NHERF4: variants seen among roughly 807,000 people sequenced by gnomAD.
The protein encoded by NHERF4 is Na(+)/H(+) exchange regulatory cofactor NHE-RF4.
At chr11:119,187,785 AC>A in the NHERF4 span, 2 of 1,459,944 alleles carry the variant, frequency 1.4e-6, no homozygotes, top group Non-Finnish European at 1.8e-6. Context: ...CATGCGCCTA[AC>A]CTCCTTATCT....
At chr11:119,189,764 G>A in the NHERF4 span, 4 of 539,850 alleles carry the variant, frequency 7.4e-6, no homozygotes, top group Non-Finnish European at 1.3e-5. This position sits in a 1 kb window ranked among gnomAD's most constrained non-coding sequence, Gnocchi z 5.8. Context: ...GGATGAAGGT[G>A]TGGCTGTGGG....
the NHERF4 span, chr11:119,188,176 G>C: frequency 5.9e-6 from 9 of 1,517,448 alleles, no homozygotes; most frequent in Middle Eastern, 1.7e-4. Flanking sequence ...GGTGGGGGAA[G>C]GTGGGCCTTG....
At chr11:119,185,596 C>A in the NHERF4 span, 1 of 1,347,158 alleles carries the variant, frequency 7.4e-7, no homozygotes, top group Non-Finnish European at 1.1e-6. Flanking sequence ...GACCAGGGCA[C>A]ACTTGATTTT....
the NHERF4 span, chr11:119,188,627 T>C: frequency 6.2e-7 from 1 of 1,613,880 alleles, no homozygotes; most frequent in Non-Finnish European, 8.5e-7. Flanking sequence ...TTGCTCTCCC[T>C]GCCACCTTCC....
At chr11:119,185,769 G>T in the NHERF4 span, 1 of 962,390 alleles carries the variant, frequency 1.0e-6, no homozygotes, top group Non-Finnish European at 1.6e-6. Context: ...TGTGTGTATG[G>T]CAGTGAGAAG....
the NHERF4 span, chr11:119,189,319 G>A: frequency 6.8e-7 from 1 of 1,479,370 alleles, no homozygotes; most frequent in South Asian, 1.2e-5. This position sits in a 1 kb window ranked among gnomAD's most constrained non-coding sequence, Gnocchi z 5.8. Flanking sequence ...TATGCAGGTT[G>A]GGACTTCAGG....
the NHERF4 span, chr11:119,187,186 G>A: frequency 1.7e-6 from 2 of 1,146,392 alleles, no homozygotes; most frequent in Non-Finnish European, 2.4e-6. Flanking sequence ...GATTCCCTTG[G>A]CAAAAAAATG....
chr11:119,187,365 T>C, the NHERF4 span: 1 of 1,613,860 alleles, frequency 6.2e-7, no homozygotes, highest in Non-Finnish European at 8.5e-7. Flanking sequence ...TGGGAGAAGA[T>C]GCCCACCTCT....
the NHERF4 span, chr11:119,188,849 T>TC: frequency 6.2e-7 from 1 of 1,614,154 alleles, no homozygotes; most frequent in Non-Finnish European, 8.5e-7. Flanking sequence ...CCAGTGGGCC[T>TC]CGTCTCTTCA....
the NHERF4 span, chr11:119,187,745 G>A: frequency 1.4e-6 from 2 of 1,471,074 alleles, no homozygotes; most frequent in Admixed American, 2.7e-5. Context: ...TCCGGGCCTG[G>A]GCCCCACCTC....
the NHERF4 span, chr11:119,187,561 T>C: frequency 1.3e-6 from 2 of 1,596,534 alleles, no homozygotes; most frequent in East Asian, 2.3e-5. Flanking sequence ...TTTTAATTTC[T>C]AGGCAATCAG....
At chr11:119,185,517 G>A in the NHERF4 span, 1 of 1,613,790 alleles carries the variant, frequency 6.2e-7, no homozygotes, top group East Asian at 2.2e-5. Context: ...GCAGGTAGGA[G>A]GCCAGGAGAA....
chr11:119,186,002 G>A, the NHERF4 span: 8 of 1,613,908 alleles, frequency 5.0e-6, no homozygotes, highest in Middle Eastern at 1.6e-4. The surrounding 1 kb of genome is among the most constrained non-coding windows in gnomAD (Gnocchi z 4.4). Flanking sequence ...TGGAGGCAGC[G>A]AAGCGCTTCA....
At chr11:119,187,922 C>T in the NHERF4 span, 13 of 1,531,598 alleles carry the variant, frequency 8.5e-6, no homozygotes, top group Middle Eastern at 2.0e-4. Context: ...ATACTGATGC[C>T]CTGCTGGGTC....
the NHERF4 span, chr11:119,187,306 T>C: frequency 6.2e-7 from 1 of 1,611,680 alleles, no homozygotes; most frequent in Non-Finnish European, 8.5e-7. Context: ...CCCTCGGGTG[T>C]TGCTGACAGT....
At chr11:119,185,841 C>T in the NHERF4 span, 5 of 1,587,546 alleles carry the variant, frequency 3.1e-6, no homozygotes, top group Admixed American at 3.3e-5. Context: ...TTCCCTGAGT[C>T]CTTTTAGTTT....
At chr11:119,187,914 A>G in the NHERF4 span, 3 of 1,524,038 alleles carry the variant, frequency 2.0e-6, no homozygotes, top group Non-Finnish European at 2.7e-6. Context: ...CAGGTGTTAT[A>G]CTGATGCCCT....
At chr11:119,186,209 C>G in the NHERF4 span, 1 of 1,614,178 alleles carries the variant, frequency 6.2e-7, no homozygotes, top group South Asian at 1.1e-5. This position sits in a 1 kb window ranked among gnomAD's most constrained non-coding sequence, Gnocchi z 4.4. Flanking sequence ...TCCCTGGAGG[C>G]ACCACGGCTC....
chr11:119,188,043 G>C, the NHERF4 span: 1 of 1,554,770 alleles, frequency 6.4e-7, no homozygotes. Flanking sequence ...CTGGCAGAGG[G>C]CTGGGCACTG....
Sources: allele counts gnomAD v4.1 joint callset, GRCh38; gene constraint gnomAD v4.1.1; non-coding constraint Gnocchi (gnomAD v3.1); transcripts MANE v1.5; gene names NCBI Gene and HGNC (gene_info 2026-07-23, HGNC 2026-07-21).